Variants in TDRD12 observed in about 807,000 individuals in gnomAD.
TDRD12 encodes putative ATP-dependent RNA helicase TDRD12.
Under a neutral mutation model 133.5 loss-of-function variants are expected in TDRD12, and 158 were observed. That is an observed-to-expected ratio of 1.18 (90% CI 1.04 to 1.35). The LOEUF (loss-of-function observed/expected upper bound fraction) is 1.35, where lower values mean the gene tolerates loss of function less well. TDRD12 is among the 40% of genes most tolerant of loss of function. The probability of loss-of-function intolerance (pLI) is 0.00; values close to 1 mark genes in which losing one functional copy is unlikely to be tolerated. For missense variants in TDRD12, 1,443 were observed against 1,321.3 expected, an observed-to-expected ratio of 1.09 and a Z score of -1.43; for synonymous variants, 460 against 477.9, an observed-to-expected ratio of 0.96 and a Z score of 0.49.
chr19:32,763,349 G>A (rs1010044990), intron 8 of TDRD12, among the ~76,000 whole-genome samples: 3 of 152,188 alleles, frequency 2.0e-5, no homozygotes, highest in Non-Finnish European at 4.4e-5. Context: ...TAGGGAGCCT[G>A]TACCTTTGGG....
intron 2 of TDRD12, among the ~76,000 whole-genome samples, chr19:32,737,930 C>T (rs1297923295): frequency 3.3e-5 from 5 of 151,938 alleles, no homozygotes; most frequent in South Asian, 2.1e-4. Context: ...GTCAGGAGTT[C>T]GAGGCCATCC....
At chr19:32,793,968 ATTT>A in intron 13 of TDRD12, among the ~76,000 whole-genome samples, 1 of 128,038 alleles carries the variant, frequency 7.8e-6, no homozygotes, top group Non-Finnish European at 1.6e-5. Context: ...CTAATTTTCT[ATTT>A]TTAGTAGAGA....
At chr19:32,730,137 C>T (rs1336399192) in intron 1 of TDRD12, among the ~76,000 whole-genome samples, 1 of 152,148 alleles carries the variant, frequency 6.6e-6, no homozygotes, top group Non-Finnish European at 1.5e-5. Flanking sequence ...CTTCTCTGGA[C>T]TCCTTGGGGT....
chr19:32,800,673 A>G, exon 18 of TDRD12: 1 of 1,535,486 alleles, frequency 6.5e-7, no homozygotes. Flanking sequence ...AATGTGAAAA[A>G]ACTTCTTCTT....
Position 32,807,293 on chromosome 19 carries a change from A to AAG in TDRD12, c.2553-255_2553-254insGA, listed in dbSNP as rs1555776709. ...AAAAAAAAAAAAAAAAAAAAAAAAA[A>AAG]AAAGAAAGTTTGCTAGAGAAATAAT... On this transcript the variant is annotated intron_variant, in intron 21 of 27. Transcript: ENST00000444215. Among the ~76,000 whole-genome samples the AAG allele has an allele frequency of 1.6e-3, 229 of 144,730 alleles. 4 individuals carry two copies. Among genetic ancestry groups the AAG allele is most frequent in the African/African-American group, 5.5e-3 (217 of 39,756 alleles). 94.9% of individuals were successfully genotyped at this position (144,730 alleles called of 152,430 possible). A position where few individuals can be genotyped will look rare whatever the true frequency, so the allele number is the denominator to read the frequency against.
intron 19 of TDRD12, 99 bp from the exon 20 acceptor site, chr19:32,802,557 T>C (rs1971429083): frequency 1.5e-6 from 2 of 1,329,618 alleles, no homozygotes; most frequent in South Asian, 3.1e-5. Context: ...AAGTAAAATG[T>C]GATATGGAAA....
intron 19 of TDRD12, among the ~76,000 whole-genome samples, chr19:32,802,335 G>A (rs991252353): frequency 6.7e-6 from 1 of 150,048 alleles, no homozygotes; most frequent in Non-Finnish European, 1.5e-5. Context: ...ATATACATAT[G>A]ACTATATATA....
Position 32,811,196 on chromosome 19 carries a change from C to T in TDRD12, c.2838-14C>T. The stretch of plus-strand genomic sequence containing the variant: ...GGAATCTCTGCGTTGAACCGATGCC[C>T]CATTGCTCTCCAGGGTTCAGGTGTT... On this transcript the variant is annotated splice_polypyrimidine_tract_variant and intron_variant, in intron 23 of 27. Transcript: ENST00000444215. The T allele has an allele frequency of 5.2e-6, 8 of 1,529,254 alleles. No individual in the cohort carries two copies. The highest frequency in any genetic ancestry group is 7.0e-6 in the Non-Finnish European group (8 of 1,141,084). 94.7% of individuals were successfully genotyped at this position (1,529,254 alleles called of 1,614,324 possible).
chr19:32,739,835 C>CT, intron 3 of TDRD12, among the ~76,000 whole-genome samples: 1 of 95,570 alleles, frequency 1.0e-5, no homozygotes, highest in African/African-American at 4.4e-5. Context: ...ATCTCCTGGG[C>CT]ACTCTCTGCA....
intron 8 of TDRD12, 22 bp from the exon 31 acceptor site, chr19:32,826,421 CTT>C: frequency 5.7e-6 from 7 of 1,222,680 alleles, no homozygotes; most frequent in Non-Finnish European, 7.1e-6. Context: ...AAAAGGCTGA[CTT>C]TATTTCTTTT....
At chr19:32,757,829 T>A (rs1970040021) in intron 8 of TDRD12, among the ~76,000 whole-genome samples, 2 of 152,242 alleles carry the variant, frequency 1.3e-5, no homozygotes, top group Non-Finnish European at 2.9e-5. Context: ...CCTGTGGGTG[T>A]AATATTTCAT....
At chr19:32,800,276 A>T (rs1227710834) in exon 17 of TDRD12, 1 of 1,535,200 alleles carries the variant, frequency 6.5e-7, no homozygotes, top group Non-Finnish European at 8.7e-7. Flanking sequence ...CATATAGAAC[A>T]TCTCATCAAA....
chr19:32,733,322 T>A (rs1179200065), intron 2 of TDRD12, among the ~76,000 whole-genome samples: 2 of 151,800 alleles, frequency 1.3e-5, no homozygotes, highest in Non-Finnish European at 2.9e-5. Flanking sequence ...TACAAAAAAT[T>A]AGCTGGGCGT....
At chr19:32,761,628 A>G (rs1599870127) in intron 8 of TDRD12, among the ~76,000 whole-genome samples, 2 of 152,266 alleles carry the variant, frequency 1.3e-5, no homozygotes, top group South Asian at 4.1e-4. Flanking sequence ...GCATCTTTTC[A>G]TATGCTTATT....
chr19:32,762,129 T>C (rs1970168908), intron 8 of TDRD12, among the ~76,000 whole-genome samples: 2 of 152,194 alleles, frequency 1.3e-5, no homozygotes, highest in Non-Finnish European at 1.5e-5. Context: ...TTCCTCCTAG[T>C]GTGTGGCTTG....
intron 11 of TDRD12, among the ~76,000 whole-genome samples, chr19:32,780,500 A>G (rs1304234367): frequency 6.6e-6 from 1 of 152,236 alleles, no homozygotes; most frequent in African/African-American, 2.4e-5. Context: ...AGGGTCAGAC[A>G]CTGTCCTTCC....
chr19:32,746,937 T>TGAGAGA (rs35506918), intron 4 of TDRD12, among the ~76,000 whole-genome samples: 1 of 125,952 alleles, frequency 7.9e-6, no homozygotes, highest in Non-Finnish European at 1.6e-5. Flanking sequence ...GGCTATTCTG[T>TGAGAGA]GAGAGAGAGA....
At chr19:32,720,258 C>A (rs1388450220) in intron 1 of TDRD12, among the ~76,000 whole-genome samples, 162 bp downstream of exon 1, 1 of 100,972 alleles carries the variant, frequency 9.9e-6, no homozygotes, top group Non-Finnish European at 2.1e-5. Flanking sequence ...ACACAGCCCC[C>A]ACCCCTCCCC....
chr19:32,817,802 C>G (rs917735114), intron 26 of TDRD12, among the ~76,000 whole-genome samples: 9 of 150,828 alleles, frequency 6.0e-5, no homozygotes, highest in African/African-American at 2.2e-4. Context: ...CAGGGCTCTT[C>G]CGGGCGTGCC....
Sources: allele counts gnomAD v4.1 joint callset (sites outside exome capture counted in the v4.1 genomes callset), GRCh38; gene constraint gnomAD v4.1.1; transcripts MANE v1.5; gene names NCBI Gene and HGNC (gene_info 2026-07-23, HGNC 2026-07-21).